The following CFAP54 variants were observed in gnomAD, a reference collection of about 807,000 sequenced individuals.
CFAP54 encodes the protein cilia- and flagella-associated protein 54.
Under a neutral mutation model 370.4 loss-of-function variants are expected in CFAP54, and 290 were observed. The observed-to-expected ratio is 0.78, with a 90% CI of 0.71 to 0.86. The LOEUF is 0.86. Ranked by LOEUF, CFAP54 falls within the 40% of genes least tolerant of loss-of-function variation. CFAP54 has a pLI of 0.00. For missense variants in CFAP54, 3,399 were observed against 3,528.7 expected, an observed-to-expected ratio of 0.96 and a Z score of 0.93; for synonymous variants, 1,206 against 1,236.5, an observed-to-expected ratio of 0.98 and a Z score of 0.52.
At chr12:96,655,101 C>T (rs1956906979) in intron 36 of CFAP54, among the ~76,000 whole-genome samples, 1 of 151,456 alleles carries the variant, frequency 6.6e-6, no homozygotes, top group South Asian at 2.1e-4. Flanking sequence ...CTTACTAAAG[C>T]TATGGTAATT....
chr12:96,656,185 C>T (rs1956920821), intron 36 of CFAP54, among the ~76,000 whole-genome samples: 1 of 152,090 alleles, frequency 6.6e-6, no homozygotes. Context: ...CTTGGCTGTG[C>T]CAGAAACCTC....
At chr12:96,599,695 C>G (rs1199179049) in intron 26 of CFAP54, among the ~76,000 whole-genome samples, 2 of 152,158 alleles carry the variant, frequency 1.3e-5, no homozygotes. Flanking sequence ...TTAATGATCG[C>G]CATTCTAACT....
chr12:96,823,691 T>C (rs1959057327), intron 65 of CFAP54, among the ~76,000 whole-genome samples: 1 of 152,164 alleles, frequency 6.6e-6, no homozygotes, highest in African/African-American at 2.4e-5. Flanking sequence ...GTTTTGTTCA[T>C]CTCCTATTCC....
chr12:96,680,624 A>G (rs1565940399), intron 40 of CFAP54, among the ~76,000 whole-genome samples: 2 of 152,084 alleles, frequency 1.3e-5, no homozygotes, highest in Admixed American at 1.3e-4. Context: ...ATGCAGACAG[A>G]GTTTTATTTA....
Position 96,535,496 on chromosome 12 carries a change from C to G in CFAP54, c.1706-19C>G. ...TAAGTGATTTTTTTGTTTCATTTTC[C>G]TCTACTTTATGAACTTAGATACTTG... On this transcript the variant is annotated intron_variant, in intron 11 of 67. Transcript: ENST00000524981. The G allele has an allele frequency of 6.7e-7, 1 of 1,482,696 alleles. No individual in the cohort carries two copies. Among genetic ancestry groups the G allele is most frequent in the Non-Finnish European group, 9.1e-7 (1 of 1,104,716 alleles). The allele number at this position is 1,482,696 out of a possible 1,614,324, so 91.8% of individuals were successfully genotyped here.
intron 66 of CFAP54, among the ~76,000 whole-genome samples, chr12:96,830,110 A>G (rs1004324628): frequency 6.6e-5 from 10 of 152,158 alleles, no homozygotes; most frequent in Admixed American, 5.2e-4. Context: ...ACTTTTCTTC[A>G]TGGATTTACT....
chr12:96,556,372 A>G (rs1487899376), intron 17 of CFAP54, among the ~76,000 whole-genome samples: 1 of 152,018 alleles, frequency 6.6e-6, no homozygotes, highest in Non-Finnish European at 1.5e-5. Flanking sequence ...CCTAGGAGAA[A>G]TATTTGCAAT....
intron 30 of CFAP54, among the ~76,000 whole-genome samples, chr12:96,628,012 A>G (rs1214686400): frequency 6.6e-6 from 1 of 152,214 alleles, no homozygotes. Context: ...TTATGTTACA[A>G]CATCGCCTAC....
rs1283895687 is a variant in CFAP54, at chr12:96,708,890, C to T, written c.6724+87C>T. 1.2e-5 allele frequency: 13 copies of T among 1,055,806 alleles called. No homozygotes were observed. In the Admixed American group the frequency reaches 3.6e-4, roughly 29 times the overall value. The allele number at this position is 1,055,806 out of a possible 1,614,324, so 65.4% of individuals were successfully genotyped here. ...CCCCCACTAATCTATATAAATGATA[C>T]AGTATATATTCTTCCACAGTTTTCT... On this transcript the variant is annotated intron_variant, in intron 48 of 67. Coordinates refer to ENST00000524981, the MANE Select transcript of CFAP54 (RefSeq NM_001306084.2).
intron 12 of CFAP54, among the ~76,000 whole-genome samples, chr12:96,536,408 G>C (rs1221295289): frequency 6.6e-6 from 1 of 152,188 alleles, no homozygotes; most frequent in African/African-American, 2.4e-5. Flanking sequence ...GCCCAGGTAA[G>C]TGAAGCACAC....
intron 17 of CFAP54, among the ~76,000 whole-genome samples, chr12:96,559,642 C>G (rs1356567055): frequency 6.6e-6 from 1 of 151,938 alleles, no homozygotes; most frequent in South Asian, 2.1e-4. Flanking sequence ...CCTATTATAT[C>G]AATATCATAT....
rs566947368 is a variant in CFAP54, at chr12:96,647,921, A to G, written c.4594A>G (p.Thr1532Ala). 6.9e-5 allele frequency: 104 copies of G among 1,515,464 alleles called. No individual in the cohort carries two copies. The East Asian group carries it at 1.8e-3, about 26-fold the overall frequency. The allele number at this position is 1,515,464 out of a possible 1,614,324, so 93.9% of individuals were successfully genotyped here. A position where few individuals can be genotyped will look rare whatever the true frequency, so the allele number is the denominator to read the frequency against. ...CATGTTTTCACTGTATAATTCAGGA[A>G]CAGTATTACCAACAAGAAAATTGAC... Reference protein sequence around the residue: ...PNMFSLYNSGTVLPTRKLTVE... With the variant: ...PNMFSLYNSGAVLPTRKLTVE... The change falls in exon 34 of 68, where the codon ACA (threonine) becomes GCA (alanine). Residue 1532 changes from threonine to alanine, a missense_variant. Physicochemically the swap from Thr to Ala is moderately conservative, Grantham distance 58. Around this residue, in one of 3 missense-constraint regions of CFAP54, gnomAD observed 2,796 missense variants for 2,869.7 expected, o/e 0.97. Coordinates refer to ENST00000524981, the MANE Select transcript of CFAP54 (RefSeq NM_001306084.2).
chr12:96,775,677 T>C (rs994949145), intron 60 of CFAP54, among the ~76,000 whole-genome samples: 1 of 152,100 alleles, frequency 6.6e-6, no homozygotes, highest in African/African-American at 2.4e-5. Flanking sequence ...ATATCTGTAG[T>C]TTTTGTTTTT....
intron 66 of CFAP54, among the ~76,000 whole-genome samples, chr12:96,831,840 T>C (rs565291424): frequency 6.6e-6 from 1 of 152,346 alleles, no homozygotes; most frequent in East Asian, 1.9e-4. Flanking sequence ...GCTTCACTTA[T>C]TCATTTGGCC....
chr12:96,761,583 A>T (rs1431240949), intron 58 of CFAP54, among the ~76,000 whole-genome samples: 1 of 151,814 alleles, frequency 6.6e-6, no homozygotes. Flanking sequence ...AGATTTTCTT[A>T]TATGTTTTCT....
At chr12:96,700,317 G>A (rs1592714955) in intron 46 of CFAP54, among the ~76,000 whole-genome samples, 1 of 152,138 alleles carries the variant, frequency 6.6e-6, no homozygotes, top group African/African-American at 2.4e-5. Context: ...TTTTGCAATC[G>A]AATTCTGGCT....
At position 96,489,704 on chromosome 12, in the gene CFAP54, C is replaced by CCCCA; in HGVS notation, c.95_96insCCCA (p.Arg33ProfsTer45). 1 of 1,536,048 alleles carries CCCCA rather than the reference C, an allele frequency of 6.5e-7. No homozygotes were observed. The highest frequency in any genetic ancestry group is 8.7e-7 in the Non-Finnish European group (1 of 1,146,834). On this transcript the variant is annotated frameshift_variant, in exon 1 of 68. Coordinates refer to ENST00000524981, the MANE Select transcript of CFAP54 (RefSeq NM_001306084.2). LOFTEE classifies it high-confidence loss of function. ...CTGCCGCCGACCTCCACCGCGACTT[C>CCCCA]GAGGTCGCCCCCAGAGTCGAAGGGG...
chr12:96,720,472 T>A lies in CFAP54; in HGVS notation c.6872T>A (p.Leu2291Gln). The A allele has an allele frequency of 6.2e-7, 1 of 1,605,834 alleles. No homozygotes were observed. The highest frequency in any genetic ancestry group is 8.5e-7 in the Non-Finnish European group (1 of 1,175,658). Residue 2291 changes from leucine to glutamine, a missense_variant, in exon 50 of 68, where the codon CTG becomes CAG. Leu to Gln is a moderately radical substitution (Grantham distance 113). This residue lies in a region of CFAP54 where 2,796 missense variants were observed against 2,869.7 expected (regional missense o/e 0.97). Transcript: ENST00000524981. The part of the protein sequence containing the change: ...FLLSEVEQKT[L>Q]SQCSAGELEI... ...CTGTCCGAGGTGGAACAGAAGACCC[T>A]GTCTCAGTGCTCCGCTGGCGAGCTG...
chr12:96,581,559 G>A (rs1031055403), intron 22 of CFAP54, among the ~76,000 whole-genome samples: 9 of 152,094 alleles, frequency 5.9e-5, no homozygotes, highest in South Asian at 2.1e-4. Flanking sequence ...CGGATAGCCC[G>A]CATAGCAAAG....
Sources: allele counts gnomAD v4.1 joint callset (sites outside exome capture counted in the v4.1 genomes callset), GRCh38; gene constraint gnomAD v4.1.1; regional missense constraint gnomAD v4.1.1; transcripts MANE v1.5; gene names NCBI Gene and HGNC (gene_info 2026-07-23, HGNC 2026-07-21).